Variants in POLR1B observed in about 807,000 individuals in gnomAD.
POLR1B encodes the protein RNA polymerase I subunit B.
A neutral mutation model predicts 105.8 loss-of-function variants in POLR1B; 30 were observed. The ratio of observed to expected loss-of-function variants is 0.28; its 90% CI spans 0.21 to 0.38. The LOEUF is 0.38. POLR1B is among the 10% of genes least tolerant of loss of function. The probability of loss-of-function intolerance (pLI) is 1.00; values close to 1 mark genes in which losing one functional copy is unlikely to be tolerated. For synonymous variants in POLR1B, 485 were observed against 505.1 expected (o/e 0.96, Z 0.53); for missense variants, 976 against 1,435.8 (o/e 0.68, Z 5.17).
At chr2:112,546,646 C>T (rs796827329) in intron 1 of POLR1B, among the ~76,000 whole-genome samples, 36 of 146,550 alleles carry the variant, frequency 2.5e-4, no homozygotes, top group African/African-American at 8.8e-4. Context: ...ACTGCAGGCT[C>T]TGCCTCCCGG....
chr2:112,547,571 A>C lies in POLR1B; in HGVS notation c.492+4A>C. 1 of 1,613,854 alleles carries C rather than the reference A, an allele frequency of 6.2e-7. No individual in the cohort carries two copies. Among genetic ancestry groups the C allele is most frequent in the South Asian group, 1.1e-5 (1 of 90,988 alleles). Reference sequence around the variant, plus strand: ...TGAGCACCATGAGGAGGCAGAGGTAATGACGGGCGTCCAGGCATGAGACAG... The same window carrying C: ...TGAGCACCATGAGGAGGCAGAGGTACTGACGGGCGTCCAGGCATGAGACAG... On this transcript the variant is annotated splice_donor_region_variant and intron_variant, in intron 3 of 14. Coordinates refer to ENST00000263331, the MANE Select transcript of POLR1B (RefSeq NM_019014.6).
At chr2:112,569,562 C>CTTT (rs1290911320) in intron 12 of POLR1B, among the ~76,000 whole-genome samples, 1 of 140,606 alleles carries the variant, frequency 7.1e-6, no homozygotes, top group Non-Finnish European at 1.6e-5. Flanking sequence ...TAGTGTGTTT[C>CTTT]TTTTTTTTTT....
chr2:112,577,261 A>G lies in POLR1B; in HGVS notation c.*1532A>G, dbSNP rs1684912310. 6.6e-6 allele frequency: 1 copy of G among 152,272 alleles called. No homozygotes were observed. Among genetic ancestry groups the G allele is most frequent in the South Asian group, 2.1e-4 (1 of 4,836 alleles). 9.4% of individuals were successfully genotyped at this position (152,272 alleles called of 1,614,324 possible). A position where few individuals can be genotyped will look rare whatever the true frequency, so the allele number is the denominator to read the frequency against. Reference sequence around the variant, plus strand: ...TCTATCATTTCAAGATAGGCTTAGCAGGATGGGCGCAGTGGCTCACGCCAC... The same window carrying G: ...TCTATCATTTCAAGATAGGCTTAGCGGGATGGGCGCAGTGGCTCACGCCAC... On this transcript the variant is annotated 3_prime_UTR_variant, in exon 15 of 15. Coordinates refer to ENST00000263331, the MANE Select transcript of POLR1B (RefSeq NM_019014.6).
chr2:112,553,181 A>G (rs1242477970), intron 7 of POLR1B, among the ~76,000 whole-genome samples: 1 of 152,216 alleles, frequency 6.6e-6, no homozygotes, highest in Non-Finnish European at 1.5e-5. Context: ...CAGTGCTTTC[A>G]TGATTATTCA....
chr2:112,557,007 G>A (rs1683697607), intron 7 of POLR1B, among the ~76,000 whole-genome samples: 1 of 152,122 alleles, frequency 6.6e-6, no homozygotes, highest in African/African-American at 2.4e-5. Flanking sequence ...AATAAGGCTG[G>A]GTGTGGTGGC....
intron 10 of POLR1B, among the ~76,000 whole-genome samples, chr2:112,564,770 T>G (rs1684190455): frequency 6.6e-6 from 1 of 152,304 alleles, no homozygotes; most frequent in South Asian, 2.1e-4. Context: ...ATTTTAACTT[T>G]TTTCCCCCTT....
intron 5 of POLR1B, among the ~76,000 whole-genome samples, 160 bp from the exon 6 acceptor site, chr2:112,551,615 T>C (rs914267221): frequency 1.3e-5 from 2 of 152,216 alleles, no homozygotes; most frequent in Non-Finnish European, 2.9e-5. Context: ...CTGGCTATCA[T>C]ACAAAGAATG....
At chr2:112,574,723 TAAAAAAAAAAA>T (rs61116291) in intron 14 of POLR1B, 113 bp from the exon 15 acceptor site, 1 of 587,286 alleles carries the variant, frequency 1.7e-6, no homozygotes, top group South Asian at 2.4e-5. Flanking sequence ...CCCTGTATCA[TAAAAAAAAAAA>T]AAAAAAAAAA....
chr2:112,547,489 C>T lies in POLR1B; in HGVS notation c.414C>T (p.Pro138=), dbSNP rs1683117919. 1 of 1,613,972 alleles carries T rather than the reference C, an allele frequency of 6.2e-7. No homozygotes were observed. Among genetic ancestry groups the T allele is most frequent in the African/African-American group, 1.3e-5 (1 of 74,908 alleles). ...TTAAGCAGTTTCTTGGCTATGTTCC[C>T]ATCATGGTGAAATCCAAGCTTTGCA... is the stretch of plus-strand genomic sequence containing the variant. ...GIIKQFLGYV[P]IMVKSKLCNL... Residue 138 remains proline, a synonymous_variant, in exon 3 of 15, where the codon CCC becomes CCT. Coordinates refer to ENST00000263331, the MANE Select transcript of POLR1B (RefSeq NM_019014.6).
At chr2:112,559,253 A>G (rs759911393) in intron 8 of POLR1B, 40 bp from the exon 9 acceptor site, 3 of 1,602,640 alleles carry the variant, frequency 1.9e-6, no homozygotes, top group Non-Finnish European at 2.6e-6. Context: ...CCATTTTTCA[A>G]AAGATTGGCC....
At chr2:112,564,522 T>A in intron 10 of POLR1B, 23 bp downstream of exon 10, 2 of 1,614,096 alleles carry the variant, frequency 1.2e-6, no homozygotes, top group Non-Finnish European at 1.7e-6. Context: ...CTTTGTGAAT[T>A]GTCCTATCCC....
chr2:112,551,714 G>A (rs1208722961), intron 5 of POLR1B, 61 bp from the exon 6 acceptor site: 3 of 1,330,416 alleles, frequency 2.3e-6, no homozygotes, highest in Non-Finnish European at 3.1e-6. Context: ...ATAATTATTA[G>A]TGAATAGATA....
upstream of POLR1B, chr2:112,542,057 C>G (rs1409311471): frequency 4.6e-6 from 7 of 1,510,772 alleles, no homozygotes; most frequent in Non-Finnish European, 6.2e-6. Flanking sequence ...GATGACTCCC[C>G]AGGGTCGGCA....
intron 1 of POLR1B, among the ~76,000 whole-genome samples, chr2:112,544,767 A>G (rs1311823978): frequency 6.6e-6 from 1 of 152,210 alleles, no homozygotes; most frequent in Non-Finnish European, 1.5e-5. Context: ...AATAGTTATC[A>G]TATTTTTTAC....
intron 1 of POLR1B, 104 bp downstream of exon 1, chr2:112,542,775 G>C: frequency 7.0e-7 from 1 of 1,421,482 alleles, no homozygotes; most frequent in Non-Finnish European, 9.5e-7. Flanking sequence ...CCTTGATCCT[G>C]ACAGGCTTGG....
intron 6 of POLR1B, 148 bp from the exon 7 acceptor site, chr2:112,552,497 A>C (rs985903976): frequency 3.8e-6 from 3 of 791,796 alleles, no homozygotes; most frequent in Non-Finnish European, 5.6e-6. Flanking sequence ...AAGCACTTCA[A>C]ATGTGGCCAG....
At chr2:112,546,026 T>C (rs13004248) in intron 1 of POLR1B, 2,271 of 159,780 alleles carry the variant, frequency 0.014, 29 homozygotes, top group Non-Finnish European at 0.02. Flanking sequence ...GTAAGTTAAC[T>C]CACGTGAAGG....
intron 9 of POLR1B, among the ~76,000 whole-genome samples, chr2:112,562,275 A>G (rs1684027715): frequency 6.6e-6 from 1 of 152,188 alleles, no homozygotes; most frequent in African/African-American, 2.4e-5. Flanking sequence ...CTGTAATTAC[A>G]TTTTGGGGGT....
Position 112,547,033 on chromosome 2 carries a change from G to C in POLR1B, c.199G>C (p.Ala67Pro). The C allele has an allele frequency of 6.2e-7, 1 of 1,614,086 alleles. No individual in the cohort carries two copies. The highest frequency in any genetic ancestry group is 8.5e-7 in the Non-Finnish European group (1 of 1,180,012). Residue 67 changes from alanine to proline, a missense_variant, in exon 2 of 15, where the codon GCT (alanine) becomes CCT (proline). Ala to Pro is a conservative substitution (Grantham distance 27). This residue lies in a region of POLR1B where 452 missense variants were observed against 616.5 expected (regional missense o/e 0.73). Coordinates refer to ENST00000263331, the MANE Select transcript of POLR1B (RefSeq NM_019014.6). ...AVQAIPPFEF[A>P]FKDERISFTI... The stretch of plus-strand genomic sequence containing the variant: ...TCAGGCTATACCTCCCTTTGAATTT[G>C]CTTTCAAAGATGAGCGTATCTCTTT...
Sources: gnomAD v4.1 joint callset for allele counts (sites outside exome capture counted in the v4.1 genomes callset) on GRCh38, gnomAD v4.1.1 for gene constraint, gnomAD v4.1.1 regional missense constraint, MANE v1.5 for transcripts, NCBI Gene and HGNC (gene_info 2026-07-23, HGNC 2026-07-21) for gene names.